VAT1L: variants seen among roughly 807,000 people sequenced by gnomAD.
VAT1L encodes the protein putative NADPH-dependent quinone oxidoreductase VAT1L.
Under a neutral mutation model 44.1 loss-of-function variants are expected in VAT1L, and 34 were observed. The ratio of observed to expected loss-of-function variants is 0.77; its 90% CI spans 0.59 to 1.03. The LOEUF (loss-of-function observed/expected upper bound fraction) is 1.03. VAT1L is among the 50% of genes least tolerant of loss of function. The probability of loss-of-function intolerance (pLI) is 0.00; values close to 1 mark genes in which losing one functional copy is unlikely to be tolerated. For synonymous variants in VAT1L, 253 were observed against 202.2 expected, an observed-to-expected ratio of 1.25 and a Z score of -2.13; for missense variants, 615 against 538.8, an observed-to-expected ratio of 1.14 and a Z score of -1.40.
chr16:77,838,703 ATCTC>A (rs146443254), intron 3 of VAT1L, among the ~76,000 whole-genome samples: 1 of 133,194 alleles, frequency 7.5e-6, no homozygotes, highest in Non-Finnish European at 1.6e-5. Context: ...GTCCATTTCC[ATCTC>A]TCTTTCCTTT....
chr16:77,858,996 A>G (rs866472942), intron 3 of VAT1L, among the ~76,000 whole-genome samples: 1 of 152,066 alleles, frequency 6.6e-6, no homozygotes, highest in Non-Finnish European at 1.5e-5. Context: ...TTAGCCAGGC[A>G]TGGTGGCACA....
intron 3 of VAT1L, among the ~76,000 whole-genome samples, chr16:77,839,485 G>A (rs527846549): frequency 4.0e-5 from 5 of 124,756 alleles, no homozygotes; most frequent in East Asian, 2.7e-4. Context: ...GCAGTGAGCC[G>A]AAATCGCGCC....
chr16:77,849,224 T>G (rs2016785558), intron 3 of VAT1L, among the ~76,000 whole-genome samples: 1 of 152,116 alleles, frequency 6.6e-6, no homozygotes. Context: ...GCATGGCACT[T>G]AGGTACGTGG....
chr16:77,811,170 G>C (rs1365894610), intron 1 of VAT1L, among the ~76,000 whole-genome samples: 3 of 152,188 alleles, frequency 2.0e-5, no homozygotes, highest in Admixed American at 2.0e-4. Context: ...CCTGAGGAAA[G>C]AACAGGATAG....
chr16:77,927,547 C>T (rs796761437), intron 7 of VAT1L, among the ~76,000 whole-genome samples: 29 of 152,140 alleles, frequency 1.9e-4, no homozygotes, highest in African/African-American at 6.5e-4. Context: ...CATTCATTTG[C>T]ATCAGGCCGC....
intron 7 of VAT1L, among the ~76,000 whole-genome samples, chr16:77,952,855 TAAA>T (rs61033802): frequency 2.6e-3 from 239 of 92,186 alleles, no homozygotes; most frequent in Admixed American, 2.7e-3. Context: ...AGACTCCATT[TAAA>T]AAAAAAAAAA....
intron 7 of VAT1L, among the ~76,000 whole-genome samples, chr16:77,915,717 G>A (rs1661106995): frequency 1.3e-5 from 2 of 152,242 alleles, no homozygotes; most frequent in Admixed American, 6.5e-5. Context: ...TGAACCAATG[G>A]AGAACTAATG....
At chr16:77,900,390 C>T (rs1451655927) in intron 7 of VAT1L, among the ~76,000 whole-genome samples, 1 of 151,880 alleles carries the variant, frequency 6.6e-6, no homozygotes, top group Non-Finnish European at 1.5e-5. Flanking sequence ...CAATATACAA[C>T]ATTTAGAAAA....
At chr16:77,944,808 C>T (rs1213061211) in intron 7 of VAT1L, among the ~76,000 whole-genome samples, 2 of 152,012 alleles carry the variant, frequency 1.3e-5, no homozygotes, top group African/African-American at 2.4e-5. Context: ...GCACATGTAC[C>T]TGTCTCTTCT....
intron 2 of VAT1L, among the ~76,000 whole-genome samples, chr16:77,821,873 T>A (rs2016458780): frequency 6.6e-6 from 1 of 152,062 alleles, no homozygotes; most frequent in African/African-American, 2.4e-5. Context: ...AAAAGAACAT[T>A]TGAGCTGAGC....
intron 7 of VAT1L, among the ~76,000 whole-genome samples, chr16:77,921,090 G>C (rs1567508851): frequency 6.6e-6 from 1 of 152,112 alleles, no homozygotes; most frequent in East Asian, 1.9e-4. Context: ...TTGCCTCGAA[G>C]GGCTACCTGG....
Position 77,791,859 on chromosome 16 carries a change from T to C in VAT1L, c.233+2944T>C, listed in dbSNP as rs543448582. On this transcript the variant is annotated intron_variant, in intron 1 of 8. Transcript: ENST00000302536. ...GGGTTGGAATGATAGCAGAGTCTTCTGTCTAAATTGTTTTTTAAAATGTCA... is the reference window on the plus strand; with the variant it reads ...GGGTTGGAATGATAGCAGAGTCTTCCGTCTAAATTGTTTTTTAAAATGTCA... Among the ~76,000 whole-genome samples, 6 of 152,346 alleles carry C rather than the reference T, an allele frequency of 3.9e-5. No individual in the cohort carries two copies. In the South Asian group the frequency reaches 1.2e-3, roughly 32 times the overall value.
intron 7 of VAT1L, among the ~76,000 whole-genome samples, chr16:77,905,379 C>G (rs745733043): frequency 6.6e-6 from 1 of 152,032 alleles, no homozygotes; most frequent in Non-Finnish European, 1.5e-5. Context: ...TTCTGTTTGC[C>G]GAGATTCCAA....
chr16:77,857,417 G>C (rs931434834), intron 3 of VAT1L, among the ~76,000 whole-genome samples: 1 of 152,234 alleles, frequency 6.6e-6, no homozygotes, highest in South Asian at 2.1e-4. Flanking sequence ...GCACTTTTCT[G>C]CTTAAATACA....
At chr16:77,939,614 C>A (rs373610055) in intron 7 of VAT1L, among the ~76,000 whole-genome samples, 2 of 152,066 alleles carry the variant, frequency 1.3e-5, no homozygotes, top group Non-Finnish European at 2.9e-5. Flanking sequence ...TTCCTGGGTA[C>A]AAGAAAATCT....
intron 3 of VAT1L, among the ~76,000 whole-genome samples, chr16:77,838,510 C>G (rs114027209): frequency 0.014 from 2,128 of 152,188 alleles, 53 homozygotes; most frequent in African/African-American, 0.048. Context: ...CACTCACCCC[C>G]CTGCTCTCAA....
At chr16:77,812,750 A>G (rs1324497859) in intron 1 of VAT1L, among the ~76,000 whole-genome samples, 2 of 152,144 alleles carry the variant, frequency 1.3e-5, no homozygotes, top group Non-Finnish European at 2.9e-5. Context: ...CAGATCCCTC[A>G]TTCTAACTGT....
chr16:77,911,608 A>G (rs1024284508), intron 7 of VAT1L, among the ~76,000 whole-genome samples: 3 of 152,192 alleles, frequency 2.0e-5, no homozygotes, highest in African/African-American at 7.2e-5. Flanking sequence ...TTTCTAGGCC[A>G]TCCTCCTGTG....
At chr16:77,955,722 C>G (rs1040821234) in intron 7 of VAT1L, among the ~76,000 whole-genome samples, 8 of 122,852 alleles carry the variant, frequency 6.5e-5, no homozygotes, top group African/African-American at 1.6e-4. Flanking sequence ...CTCCATATCC[C>G]CCCCCCCAAA....
Sources: allele counts gnomAD v4.1 joint callset (sites outside exome capture counted in the v4.1 genomes callset), GRCh38; gene constraint gnomAD v4.1.1; transcripts MANE v1.5; gene names NCBI Gene and HGNC (gene_info 2026-07-23, HGNC 2026-07-21).